LMX1B: variants seen among roughly 807,000 people sequenced by gnomAD.
The protein encoded by LMX1B is LIM homeobox transcription factor 1 beta.
LMX1B carries 12 observed loss-of-function variants against 51.4 expected under a neutral mutation model. The ratio of observed to expected loss-of-function variants is 0.23; its 90% CI spans 0.15 to 0.38. The LOEUF is 0.38. Ranked by LOEUF, LMX1B falls within the 10% of genes least tolerant of loss-of-function variation. The probability of loss-of-function intolerance (pLI) is 1.00; values close to 1 mark genes in which losing one functional copy is unlikely to be tolerated. For missense variants in LMX1B, 445 were observed against 571.1 expected (o/e 0.78, Z 2.25); for synonymous variants, 237 against 235.4 (o/e 1.01, Z -0.06).
At chr9:126,696,203 TG>T in intron 7 of LMX1B, 90 bp from the exon 8 acceptor site, 1 of 1,340,920 alleles carries the variant, frequency 7.5e-7, no homozygotes, top group Non-Finnish European at 1.1e-6. Context: ...TGTCTCTCCC[TG>T]GCCTCCAGTC....
At chr9:126,621,853 C>A (rs1487953192) in intron 2 of LMX1B, among the ~76,000 whole-genome samples, 1 of 151,972 alleles carries the variant, frequency 6.6e-6, no homozygotes, top group African/African-American at 2.4e-5. Context: ...ACTACTGCTG[C>A]GGTGAGGAGT....
chr9:126,659,806 T>C (rs1045224076), intron 2 of LMX1B, among the ~76,000 whole-genome samples: 9 of 150,856 alleles, frequency 6.0e-5, no homozygotes, highest in African/African-American at 2.0e-4. Context: ...AGAGATTATC[T>C]TGTATGTGTG....
intron 2 of LMX1B, among the ~76,000 whole-genome samples, chr9:126,687,507 G>A (rs1328186813): frequency 6.6e-6 from 1 of 152,214 alleles, no homozygotes; most frequent in Admixed American, 6.5e-5. Context: ...TGGGATCACA[G>A]GCGTGAGCCA....
intron 2 of LMX1B, among the ~76,000 whole-genome samples, chr9:126,622,361 G>C (rs2118840557): frequency 6.6e-6 from 1 of 152,316 alleles, no homozygotes; most frequent in East Asian, 1.9e-4. Flanking sequence ...GTGGGGAGGT[G>C]GCTAGCTGGG....
rs1327947248 is a variant in LMX1B, at chr9:126,658,774, C to A, written c.327-32062C>A. On this transcript the variant is annotated intron_variant, in intron 2 of 7. Transcript: ENST00000373474. This position sits in a 1 kb window ranked among gnomAD's most constrained non-coding sequence, Gnocchi z 4.0. Reference sequence around the variant, plus strand: ...AATAATCAAATTATCAAGCCAAAACCTGGGAAAGTCATTTGCATTCATTGC... The same window carrying A: ...AATAATCAAATTATCAAGCCAAAACATGGGAAAGTCATTTGCATTCATTGC... Among the ~76,000 whole-genome samples the A allele has an allele frequency of 6.6e-6, 1 of 152,246 alleles. No individual in the cohort carries two copies. Among genetic ancestry groups the A allele is most frequent in the Non-Finnish European group, 1.5e-5 (1 of 68,042 alleles).
chr9:126,634,104 C>T (rs1335761987), intron 2 of LMX1B, among the ~76,000 whole-genome samples: 1 of 152,190 alleles, frequency 6.6e-6, no homozygotes, highest in African/African-American at 2.4e-5. Flanking sequence ...CGGAAGGACC[C>T]CTGCTCCAGG....
At position 126,694,727 on chromosome 9, in the gene LMX1B, C is replaced by T. The variant is rs117734125; in HGVS notation, c.886+915C>T. 2.5e-3 allele frequency among the ~76,000 whole-genome samples: 381 copies of T among 152,296 alleles called. 2 individuals are homozygous for T. Among genetic ancestry groups the T allele is most frequent in the Non-Finnish European group, 3.8e-3 (260 of 68,002 alleles). On this transcript the variant is annotated intron_variant, in intron 6 of 7. Coordinates refer to ENST00000373474, the MANE Select transcript of LMX1B (RefSeq NM_001174147.2). ...CCAGGCTGGACTTGGCTTCTAATGA[C>T]ACAGCCTTAGTGCCTGCTGCTTCCT...
Position 126,626,884 on chromosome 9 carries a change from G to A in LMX1B, c.326+11315G>A, listed in dbSNP as rs1170297589. Among the ~76,000 whole-genome samples, 1 of 152,200 alleles carries A rather than the reference G, an allele frequency of 6.6e-6. No individual in the cohort carries two copies. Among genetic ancestry groups the A allele is most frequent in the African/African-American group, 2.4e-5 (1 of 41,458 alleles). ...AGTTCAGAGGGACAGTGGGCCGAAGGGCGGCCTAAGACAACGCAGATGGTT... is the reference window on the plus strand; with the variant it reads ...AGTTCAGAGGGACAGTGGGCCGAAGAGCGGCCTAAGACAACGCAGATGGTT... On this transcript the variant is annotated intron_variant, in intron 2 of 7. Transcript: ENST00000373474. The surrounding 1 kb of genome is among the most constrained non-coding windows in gnomAD (Gnocchi z 4.3).
At chr9:126,669,446 A>G (rs1311148702) in intron 2 of LMX1B, among the ~76,000 whole-genome samples, 2 of 152,034 alleles carry the variant, frequency 1.3e-5, no homozygotes, top group South Asian at 2.1e-4. Context: ...TGCATTGTGT[A>G]TTTGTATGAG....
chr9:126,667,912 G>A (rs1301867413), intron 2 of LMX1B, among the ~76,000 whole-genome samples: 1 of 152,210 alleles, frequency 6.6e-6, no homozygotes, highest in Admixed American at 6.5e-5. Context: ...AGACACTCGG[G>A]TCTGGAAGGT....
chr9:126,636,664 AG>A (rs1336917136), intron 2 of LMX1B, among the ~76,000 whole-genome samples: 1 of 150,758 alleles, frequency 6.6e-6, no homozygotes, highest in East Asian at 2.0e-4. Context: ...TGTGCACCCT[AG>A]TGCACACGAC....
At position 126,677,170 on chromosome 9, in the gene LMX1B, C is replaced by G. The variant is rs2034954920; in HGVS notation, c.327-13666C>G. ...CGTCCCCAGCCAGAGCGCAGGAGAC[C>G]CAGGGATGTGGTCCCCCAGATTCTC... On this transcript the variant is annotated intron_variant, in intron 2 of 7. Transcript: ENST00000373474. This position sits in a 1 kb window ranked among gnomAD's most constrained non-coding sequence, Gnocchi z 5.0. Among the ~76,000 whole-genome samples the G allele has an allele frequency of 6.6e-6, 1 of 152,284 alleles. No homozygotes were observed. Among genetic ancestry groups the G allele is most frequent in the Non-Finnish European group, 1.5e-5 (1 of 68,018 alleles).
intron 2 of LMX1B, among the ~76,000 whole-genome samples, chr9:126,630,539 C>T (rs1835614785): frequency 1.3e-5 from 2 of 152,184 alleles, no homozygotes; most frequent in Admixed American, 1.3e-4. Flanking sequence ...GCACAGAGAA[C>T]CTAAGTGTCT....
chr9:126,685,807 C>T (rs1564166842), intron 2 of LMX1B, among the ~76,000 whole-genome samples: 1 of 152,098 alleles, frequency 6.6e-6, no homozygotes, highest in Admixed American at 6.5e-5. Context: ...TTATTGAGCC[C>T]AGCCCTGTAA....
intron 2 of LMX1B, among the ~76,000 whole-genome samples, chr9:126,637,136 C>G (rs771825954): frequency 2.0e-5 from 3 of 152,266 alleles, no homozygotes; most frequent in Non-Finnish European, 4.4e-5. Context: ...ACCTGCCTTA[C>G]TCACTGCAGC....
intron 2 of LMX1B, among the ~76,000 whole-genome samples, chr9:126,622,609 C>T (rs1835438092): frequency 6.6e-6 from 1 of 152,240 alleles, no homozygotes; most frequent in Non-Finnish European, 1.5e-5. Flanking sequence ...CCTTCTCCCG[C>T]CTCCTGCCTT....
rs979423604 is a variant in LMX1B at position 126,618,579 on chromosome 9, C to T, written c.326+3010C>T. On this transcript the variant is annotated intron_variant, in intron 2 of 7. Transcript: ENST00000373474. This position sits in a 1 kb window ranked among gnomAD's most constrained non-coding sequence, Gnocchi z 4.5. ...TTCGGACAGAAAACCAGTTAGGAAACGGAGAGGAAACGCAGCCTCCCCCAA... is the reference window on the plus strand; with the variant it reads ...TTCGGACAGAAAACCAGTTAGGAAATGGAGAGGAAACGCAGCCTCCCCCAA... 6.6e-6 allele frequency among the ~76,000 whole-genome samples: 1 copy of T among 152,146 alleles called. No individual in the cohort carries two copies. Among genetic ancestry groups the T allele is most frequent in the African/African-American group, 2.4e-5 (1 of 41,420 alleles).
At position 126,697,695 on chromosome 9, in the gene LMX1B, A is replaced by C. The variant is rs2030390470; in HGVS notation, c.*1244A>C. The C allele has an allele frequency of 6.6e-6, 1 of 152,280 alleles. No homozygotes were observed. Among genetic ancestry groups the C allele is most frequent in the African/African-American group, 2.4e-5 (1 of 41,412 alleles). The allele number at this position is 152,280 out of a possible 1,614,324, so 9.4% of individuals were successfully genotyped here. A position where few individuals can be genotyped will look rare whatever the true frequency, so the allele number is the denominator to read the frequency against. ...CCTGCTGTGGCACCCTTCCTCTGTT[A>C]ATTTGGCCCAAAAGACAATGATTTG... On this transcript the variant is annotated 3_prime_UTR_variant, in exon 8 of 8. Transcript: ENST00000373474.
chr9:126,616,986 T>G (rs771482779), intron 2 of LMX1B, among the ~76,000 whole-genome samples: 2 of 152,236 alleles, frequency 1.3e-5, no homozygotes, highest in Non-Finnish European at 2.9e-5. Context: ...AGAGTGCAGC[T>G]GAGGCCTTCC....
Sources: allele counts gnomAD v4.1 joint callset (sites outside exome capture counted in the v4.1 genomes callset), GRCh38; gene constraint gnomAD v4.1.1; non-coding constraint Gnocchi (gnomAD v3.1); transcripts MANE v1.5; gene names NCBI Gene and HGNC (gene_info 2026-07-23, HGNC 2026-07-21).